STX8: variants seen among roughly 807,000 people sequenced by gnomAD.
STX8 encodes syntaxin-8.
STX8 carries 23 observed loss-of-function variants against 37.5 expected under a neutral mutation model. That is an observed-to-expected ratio of 0.61 (90% CI 0.44 to 0.87). The LOEUF is 0.87. Ranked by LOEUF, STX8 falls within the 40% of genes least tolerant of loss-of-function variation. The pLI is 0.00. For missense variants in STX8, 313 were observed against 284.7 expected, an observed-to-expected ratio of 1.10 and a Z score of -0.71; for synonymous variants, 115 against 99.1, an observed-to-expected ratio of 1.16 and a Z score of -0.95.
intron 6 of STX8, among the ~76,000 whole-genome samples, chr17:9,456,459 T>C (rs9911856): frequency 0.19 from 29,572 of 152,198 alleles, 3,761 homozygotes; most frequent in East Asian, 0.64. Context: ...TGAACAGCTG[T>C]CCGGTGATAA....
chr17:9,317,518 C>A (rs938716887), intron 7 of STX8, among the ~76,000 whole-genome samples: 2 of 152,188 alleles, frequency 1.3e-5, no homozygotes, highest in African/African-American at 4.8e-5. Flanking sequence ...GGAATCCCAG[C>A]ACTTTGGGAG....
At chr17:9,435,632 A>C (rs1335473061) in intron 6 of STX8, among the ~76,000 whole-genome samples, 1 of 152,214 alleles carries the variant, frequency 6.6e-6, no homozygotes, top group Non-Finnish European at 1.5e-5. Context: ...GAAATAGAGG[A>C]AACTTACATG....
chr17:9,386,342 T>G (rs775631541), intron 6 of STX8, among the ~76,000 whole-genome samples: 1 of 152,196 alleles, frequency 6.6e-6, no homozygotes, highest in African/African-American at 2.4e-5. Context: ...ATTATATGCT[T>G]TGTGATTCCA....
intron 7 of STX8, among the ~76,000 whole-genome samples, chr17:9,321,556 G>T (rs1567782600): frequency 1.3e-5 from 2 of 151,690 alleles, no homozygotes; most frequent in Admixed American, 6.6e-5. Flanking sequence ...GTCTCCCCCT[G>T]TCGCCCAGGC....
chr17:9,488,821 A>AGTGTGTGTGTGT lies in STX8; in HGVS notation c.541+2996_541+3007dup, dbSNP rs71135988. ...GAGAAAGAGAGAGAGAGAGAGAGAG[A>AGTGTGTGTGTGT]GTGTGTGTGTGTGTGTGTGTGTGTG... On this transcript the variant is annotated intron_variant, in intron 6 of 7. Transcript: ENST00000306357. Among the ~76,000 whole-genome samples the AGTGTGTGTGTGT allele has an allele frequency of 1.3e-3, 194 of 144,008 alleles. 1 individual carries two copies. The highest frequency in any genetic ancestry group is 3.7e-3 in the African/African-American group (145 of 38,888). The allele number at this position is 144,008 out of a possible 152,430, so 94.5% of individuals were successfully genotyped here.
At position 9,507,453 on chromosome 17, in the gene STX8, A is replaced by G. The variant is rs1378055349; in HGVS notation, c.324-2291T>C. ...ACATGCCCCCGGGGCCATCAAGCAG[A>G]CTTATGCCCACCTCTCATGCCTGAG... is the stretch of plus-strand genomic sequence containing the variant. On this transcript the variant is annotated intron_variant, in intron 4 of 7. Coordinates refer to ENST00000306357, the MANE Select transcript of STX8 (RefSeq NM_004853.3). The surrounding 1 kb of genome is among the most constrained non-coding windows in gnomAD (Gnocchi z 4.0). 3.3e-5 allele frequency among the ~76,000 whole-genome samples: 5 copies of G among 152,278 alleles called. No homozygotes were observed. The highest frequency in any genetic ancestry group is 3.9e-4 in the East Asian group (2 of 5,180).
intron 7 of STX8, among the ~76,000 whole-genome samples, chr17:9,263,371 T>G (rs753087348): frequency 3.3e-5 from 5 of 151,202 alleles, no homozygotes; most frequent in Non-Finnish European, 5.9e-5. Context: ...TCCCAGCTAC[T>G]TGGGAGGCTG....
intron 3 of STX8, among the ~76,000 whole-genome samples, chr17:9,552,221 AC>A (rs1174193168): frequency 1.3e-5 from 2 of 152,046 alleles, no homozygotes; most frequent in African/African-American, 4.8e-5. Context: ...ATACACCTGG[AC>A]CCCTAGCTAC....
intron 6 of STX8, among the ~76,000 whole-genome samples, chr17:9,392,214 AT>A (rs748267476): frequency 1.3e-5 from 2 of 152,172 alleles, no homozygotes; most frequent in Non-Finnish European, 2.9e-5. Flanking sequence ...ACAACGCAAA[AT>A]TTTGCAGCAT....
chr17:9,388,103 C>T (rs1912081207), intron 6 of STX8, among the ~76,000 whole-genome samples: 1 of 145,710 alleles, frequency 6.9e-6, no homozygotes. Flanking sequence ...CATTACTTCG[C>T]TCTTGTTGCC....
At chr17:9,362,901 T>C (rs1200162926) in intron 7 of STX8, among the ~76,000 whole-genome samples, 2 of 151,564 alleles carry the variant, frequency 1.3e-5, no homozygotes, top group Non-Finnish European at 2.9e-5. Flanking sequence ...AGAAAAACTA[T>C]ATATGTTTGA....
intron 7 of STX8, among the ~76,000 whole-genome samples, chr17:9,301,934 T>C (rs1908804180): frequency 1.3e-5 from 2 of 152,256 alleles, no homozygotes; most frequent in South Asian, 4.1e-4. Flanking sequence ...ATTAGAGTTA[T>C]TCTAAATTCA....
chr17:9,385,016 G>GAA (rs58386863), intron 6 of STX8, among the ~76,000 whole-genome samples: 2,716 of 131,160 alleles, frequency 0.021, 73 homozygotes, highest in African/African-American at 0.069. Flanking sequence ...GCTTCTAAAA[G>GAA]AAAAAAAAAA....
intron 4 of STX8, among the ~76,000 whole-genome samples, chr17:9,534,087 CA>C (rs1224875773): frequency 1.3e-5 from 2 of 150,880 alleles, no homozygotes; most frequent in African/African-American, 2.4e-5. Context: ...CTGAAAAATA[CA>C]AAAAAAGCCA....
intron 7 of STX8, among the ~76,000 whole-genome samples, chr17:9,256,648 A>G (rs61409745): frequency 0.25 from 37,845 of 152,050 alleles, 5,286 homozygotes; most frequent in Admixed American, 0.34. Flanking sequence ...AAAAAGACAC[A>G]CACACTCCCC....
rs116747569 is a variant in STX8 at position 9,311,349 on chromosome 17, C to G, written c.644-60704G>C. Among the ~76,000 whole-genome samples the G allele has an allele frequency of 3.2e-3, 479 of 151,672 alleles. 6 individuals are homozygous for G. The highest frequency in any genetic ancestry group is 0.011 in the African/African-American group (444 of 41,330). Reference sequence around the variant, plus strand: ...CTGCAATGGAATGATATGTATTTCACAACAGAATTGAGATTCAAATGAGAA... The same window carrying G: ...CTGCAATGGAATGATATGTATTTCAGAACAGAATTGAGATTCAAATGAGAA... On this transcript the variant is annotated intron_variant, in intron 7 of 7. Transcript: ENST00000306357.
At chr17:9,530,931 G>T (rs1005443230) in intron 4 of STX8, among the ~76,000 whole-genome samples, 2 of 152,142 alleles carry the variant, frequency 1.3e-5, no homozygotes, top group Admixed American at 6.5e-5. Context: ...TCTTCTAAAA[G>T]CTCTCTGGTT....
chr17:9,289,207 A>T (rs1362080183), intron 7 of STX8, among the ~76,000 whole-genome samples: 3 of 152,220 alleles, frequency 2.0e-5, no homozygotes, highest in African/African-American at 7.2e-5. Context: ...GGAGATAATA[A>T]AGATAGTTTT....
chr17:9,362,840 A>AAATAAAT lies in STX8; in HGVS notation c.643+15711_643+15712insATTTATT, dbSNP rs1555601154. On this transcript the variant is annotated intron_variant, in intron 7 of 7. Transcript: ENST00000306357. The stretch of plus-strand genomic sequence containing the variant: ...TGAGACTCCGTCTCAAAAAAAAAAA[A>AAATAAAT]AAATAAATAAATAAATAAATAAATA... Among the ~76,000 whole-genome samples the AAATAAAT allele has an allele frequency of 3.4e-3, 397 of 115,530 alleles. 7 individuals carry two copies. Among genetic ancestry groups the AAATAAAT allele is most frequent in the African/African-American group, 0.011 (383 of 33,516 alleles). 75.8% of individuals were successfully genotyped at this position (115,530 alleles called of 152,430 possible).
Sources: allele counts gnomAD v4.1 joint callset (sites outside exome capture counted in the v4.1 genomes callset), GRCh38; gene constraint gnomAD v4.1.1; non-coding constraint Gnocchi (gnomAD v3.1); transcripts MANE v1.5; gene names NCBI Gene and HGNC (gene_info 2026-07-23, HGNC 2026-07-21).